DNER: variants seen among roughly 807,000 people sequenced by gnomAD.
The protein encoded by DNER is delta/notch like EGF repeat containing.
DNER carries 33 observed loss-of-function variants against 78.2 expected under a neutral mutation model. The observed-to-expected ratio is 0.42, with a 90% CI of 0.32 to 0.56. The LOEUF is 0.56. DNER is among the 20% of genes least tolerant of loss of function. DNER has a pLI of 0.11. For synonymous variants in DNER, 417 were observed against 384.8 expected (o/e 1.08, Z -0.98); for missense variants, 918 against 975.3 (o/e 0.94, Z 0.78).
intron 1 of DNER, among the ~76,000 whole-genome samples, chr2:229,637,867 C>A (rs997233280): frequency 2.0e-5 from 3 of 152,170 alleles, no homozygotes; most frequent in African/African-American, 7.2e-5. Flanking sequence ...GAAATACCAT[C>A]ATGTTTTATT....
chr2:229,592,898 A>C (rs964774508), intron 1 of DNER, among the ~76,000 whole-genome samples: 1 of 152,216 alleles, frequency 6.6e-6, no homozygotes, highest in African/African-American at 2.4e-5. Flanking sequence ...CTCTCTTGTT[A>C]AAATGAGTTC....
At chr2:229,575,054 AAGTATTTCTTTCT>A (rs1178090800) in intron 4 of DNER, among the ~76,000 whole-genome samples, 10 of 152,224 alleles carry the variant, frequency 6.6e-5, no homozygotes, top group Non-Finnish European at 1.5e-4. Context: ...TTAAGGGATA[AAGTATTTCTTTCT>A]AGAATTAAGA....
chr2:229,437,747 A>C (rs1694153436), intron 8 of DNER, among the ~76,000 whole-genome samples: 1 of 152,226 alleles, frequency 6.6e-6, no homozygotes, highest in African/African-American at 2.4e-5. Context: ...AGAACTAAAA[A>C]CAACAAAAGT....
At chr2:229,417,263 G>T (rs183927789) in intron 9 of DNER, among the ~76,000 whole-genome samples, 1 of 152,220 alleles carries the variant, frequency 6.6e-6, no homozygotes, top group Non-Finnish European at 1.5e-5. Flanking sequence ...TGAGGGCAAT[G>T]CAAGGTCTCC....
chr2:229,642,120 A>G (rs1698635646), intron 1 of DNER, among the ~76,000 whole-genome samples: 1 of 152,230 alleles, frequency 6.6e-6, no homozygotes, highest in Non-Finnish European at 1.5e-5. Flanking sequence ...ATTACCTTAT[A>G]TTGAAATACT....
intron 1 of DNER, among the ~76,000 whole-genome samples, chr2:229,668,573 T>TATATACAC (rs1553550488): frequency 1.4e-4 from 13 of 92,208 alleles, no homozygotes; most frequent in African/African-American, 6.4e-4. Flanking sequence ...TATATATATA[T>TATATACAC]ATATATAAAA....
intron 6 of DNER, among the ~76,000 whole-genome samples, chr2:229,508,543 A>C (rs1328282170): frequency 6.6e-6 from 1 of 152,240 alleles, no homozygotes; most frequent in Non-Finnish European, 1.5e-5. Flanking sequence ...TAAAAGAATT[A>C]AAAATAAATG....
Position 229,570,130 on chromosome 2 carries a change from C to T in DNER, c.847+15728G>A, listed in dbSNP as rs569609081. ...TAAGCAAGTTGGAGTTGGGTTTCCA[C>T]ACTTACAGAATAATTCCTCCTGACT... On this transcript the variant is annotated intron_variant, in intron 4 of 12. Transcript: ENST00000341772. Among the ~76,000 whole-genome samples, 13 of 152,288 alleles carry T rather than the reference C, an allele frequency of 8.5e-5. 1 individual carries two copies. Among genetic ancestry groups the T allele is most frequent in the African/African-American group, 2.9e-4 (12 of 41,548 alleles).
chr2:229,545,507 G>A (rs1696611391), intron 5 of DNER, among the ~76,000 whole-genome samples: 1 of 152,212 alleles, frequency 6.6e-6, no homozygotes, highest in African/African-American at 2.4e-5. Context: ...CCCAGAAGGT[G>A]AGGTTGCAGT....
chr2:229,515,635 C>CTTTTTTTTTTTTTTTTTTTTTTT (rs1409850665), intron 5 of DNER, among the ~76,000 whole-genome samples: 1 of 123,252 alleles, frequency 8.1e-6, no homozygotes, highest in African/African-American at 2.9e-5. Context: ...TTCAAGTTAG[C>CTTTTTTTTTTTTTTTTTTTTTTT]TTTATTTTTT....
chr2:229,668,228 C>CA (rs1369179119), intron 1 of DNER, among the ~76,000 whole-genome samples: 3 of 151,858 alleles, frequency 2.0e-5, no homozygotes, highest in Non-Finnish European at 4.4e-5. Context: ...TGGAGGTCTT[C>CA]ATGAAAGGTT....
At chr2:229,580,717 G>T (rs1313901895) in intron 4 of DNER, among the ~76,000 whole-genome samples, 1 of 152,148 alleles carries the variant, frequency 6.6e-6, no homozygotes, top group African/African-American at 2.4e-5. Context: ...AAAAATCGGG[G>T]TTTCTCTGAG....
intron 4 of DNER, among the ~76,000 whole-genome samples, chr2:229,579,164 AAGG>A (rs1279555476): frequency 6.6e-6 from 1 of 152,186 alleles, no homozygotes; most frequent in Non-Finnish European, 1.5e-5. Flanking sequence ...TTGTATGTCC[AAGG>A]AGAATACTGG....
At chr2:229,430,199 A>G (rs999194029) in intron 8 of DNER, among the ~76,000 whole-genome samples, 5 of 152,190 alleles carry the variant, frequency 3.3e-5, no homozygotes, top group Non-Finnish European at 2.9e-5. Flanking sequence ...TCTTTTATTA[A>G]TTTAAATATG....
chr2:229,564,530 C>CCAT (rs202150868), intron 4 of DNER, among the ~76,000 whole-genome samples: 19,830 of 142,420 alleles, frequency 0.14, 2,030 homozygotes, highest in African/African-American at 0.27. Flanking sequence ...TACCCCATCA[C>CCAT]CATCATCATC....
rs1693413093 is a variant in DNER, at chr2:229,407,436, T to C, written c.1610-91A>G. On this transcript the variant is annotated intron_variant, in intron 9 of 12. Transcript: ENST00000341772. ...GCAAAGTCGGAACTCTCTGGAACAA[T>C]GCGAGGGAGATTCCCAGCGTGGGTG... 24 of 1,113,052 alleles carry C rather than the reference T, an allele frequency of 2.2e-5. No individual in the cohort carries two copies. The South Asian group carries it at 3.4e-4, about 16-fold the overall frequency. 68.9% of individuals were successfully genotyped at this position (1,113,052 alleles called of 1,614,324 possible).
intron 7 of DNER, among the ~76,000 whole-genome samples, chr2:229,451,459 A>C (rs1386105978): frequency 1.3e-5 from 2 of 152,212 alleles, no homozygotes; most frequent in African/African-American, 4.8e-5. Context: ...TCTGTCTCGA[A>C]AAATAAATAA....
chr2:229,488,587 G>C (rs2154211638), intron 6 of DNER, among the ~76,000 whole-genome samples: 1 of 152,346 alleles, frequency 6.6e-6, no homozygotes, highest in East Asian at 1.9e-4. Flanking sequence ...AGTAAAGTTG[G>C]TGAGTGGAAT....
chr2:229,559,099 G>T (rs1244981521), intron 4 of DNER, among the ~76,000 whole-genome samples: 1 of 152,158 alleles, frequency 6.6e-6, no homozygotes. Context: ...GCAACTTTGT[G>T]GGGGGTGTGG....
Sources: allele counts gnomAD v4.1 joint callset (sites outside exome capture counted in the v4.1 genomes callset), GRCh38; gene constraint gnomAD v4.1.1; transcripts MANE v1.5; gene names NCBI Gene and HGNC (gene_info 2026-07-23, HGNC 2026-07-21).